The following IL31RA variants were observed in gnomAD, a reference collection of about 807,000 sequenced individuals.
IL31RA encodes the protein interleukin 31 receptor A, also known as interleukin-31 receptor subunit alpha.
IL31RA carries 66 observed loss-of-function variants against 83.7 expected under a neutral mutation model. That is an observed-to-expected ratio of 0.79 (90% CI 0.65 to 0.97). IL31RA has a LOEUF of 0.97. IL31RA is among the 50% of genes least tolerant of loss of function. IL31RA has a pLI of 0.00. For missense variants in IL31RA, 798 were observed against 919.4 expected, an observed-to-expected ratio of 0.87 and a Z score of 1.71; for synonymous variants, 325 against 329.0, an observed-to-expected ratio of 0.99 and a Z score of 0.13.
chr5:55,885,863 C>T (rs938602155), intron 5 of IL31RA, among the ~76,000 whole-genome samples: 2 of 152,160 alleles, frequency 1.3e-5, no homozygotes, highest in Non-Finnish European at 2.9e-5. Flanking sequence ...AGCACAAGCT[C>T]CTCTTCATAC....
Position 55,910,646 on chromosome 5 carries a change from G to A in IL31RA, c.1616G>A (p.Ser539Asn), listed in dbSNP as rs1749447197. The A allele has an allele frequency of 1.9e-6, 3 of 1,614,080 alleles. No homozygotes were observed. Among genetic ancestry groups the A allele is most frequent in the Non-Finnish European group, 2.5e-6 (3 of 1,180,026 alleles). Reference sequence around the variant, plus strand: ...AGTGCTGGGGGAACCAACGGGACCAGCATAAATTTCAAGACATTGTCATTC... The same window carrying A: ...AGTGCTGGGGGAACCAACGGGACCAACATAAATTTCAAGACATTGTCATTC... ...STSAGGTNGT[S>N]INFKTLSFSV... The change falls in exon 12 of 15, where the codon AGC (serine) becomes AAC (asparagine). Residue 539 changes from serine (S) to asparagine (N), a missense_variant. Ser to Asn is a conservative substitution (Grantham distance 46). Coordinates refer to ENST00000652347, the MANE Select transcript of IL31RA (RefSeq NM_139017.7).
chr5:55,887,833 C>T (rs1194684467), intron 5 of IL31RA, among the ~76,000 whole-genome samples: 2 of 151,648 alleles, frequency 1.3e-5, no homozygotes, highest in Non-Finnish European at 2.9e-5. Context: ...TGCAGTGAGC[C>T]GAGATCGCCA....
chr5:55,862,088 G>A (rs1379770781), intron 2 of IL31RA, among the ~76,000 whole-genome samples: 1 of 152,140 alleles, frequency 6.6e-6, no homozygotes, highest in Non-Finnish European at 1.5e-5. Context: ...CTAGAAATAG[G>A]GGAATATTGC....
intron 8 of IL31RA, chr5:55,902,439 A>G (rs1049653503): frequency 4.7e-5 from 7 of 148,604 alleles, no homozygotes; most frequent in East Asian, 3.9e-4. Context: ...TCCAGGCAAC[A>G]TAGTGAAACC....
the IL31RA span, among the ~76,000 whole-genome samples, chr5:55,845,575 A>G: frequency 1.3e-5 from 2 of 152,146 alleles, no homozygotes; most frequent in African/African-American, 2.4e-5. Flanking sequence ...TGTTCTCATG[A>G]TAATGAGTGA....
intron 14 of IL31RA, among the ~76,000 whole-genome samples, chr5:55,915,845 C>T (rs981016650): frequency 2.6e-5 from 4 of 152,150 alleles, no homozygotes; most frequent in African/African-American, 9.7e-5. Flanking sequence ...CCTCTAGAGC[C>T]GGCACTTATT....
At chr5:55,868,964 T>C in intron 3 of IL31RA, 56 bp downstream of exon 3, 4 of 958,090 alleles carry the variant, frequency 4.2e-6, no homozygotes, top group East Asian at 2.4e-5. Context: ...CAGAGGCTTC[T>C]GATTCATTCA....
In IL31RA at chr5:55,911,340, A is replaced by G. The variant is rs1013169477; in HGVS notation, c.1642+668A>G. On this transcript the variant is annotated intron_variant, in intron 12 of 14. Transcript: ENST00000652347. The stretch of plus-strand genomic sequence containing the variant: ...TCTCCCCCTGGGTCCCTCCCACAAC[A>G]TGTAGGAATTATGGGAGCTACAATT... Among the ~76,000 whole-genome samples, 3 of 152,100 alleles carry G rather than the reference A, an allele frequency of 2.0e-5. No individual in the cohort carries two copies. The East Asian group carries it at 5.8e-4, about 29-fold the overall frequency.
rs925257222 is a variant in IL31RA, at chr5:55,917,706, T to G, written c.*586T>G. On this transcript the variant is annotated 3_prime_UTR_variant, in exon 15 of 15. Transcript: ENST00000652347. The stretch of plus-strand genomic sequence containing the variant: ...TCCTCACATCCTCTTAGATCTCAAG[T>G]GCCTGTAGCAACACCGCACCTGAGA... 6.6e-6 allele frequency among the ~76,000 whole-genome samples: 1 copy of G among 152,138 alleles called. No homozygotes were observed. The highest frequency in any genetic ancestry group is 1.5e-5 in the Non-Finnish European group (1 of 68,018).
intron 2 of IL31RA, among the ~76,000 whole-genome samples, chr5:55,866,982 TATG>T (rs34269185): frequency 0.59 from 89,276 of 151,512 alleles, 27,551 homozygotes; most frequent in Non-Finnish European, 0.69. Context: ...TTCTTAAGAC[TATG>T]ATCTTTCCAG....
Position 55,917,384 on chromosome 5 carries a change from C to A in IL31RA, c.*264C>A. On this transcript the variant is annotated 3_prime_UTR_variant, in exon 15 of 15. Transcript: ENST00000652347. ...TCAGATACCAAGCTCTCACCGAGGCCTCCTGACAGATTGACTTTGAAGGAA... is the reference window on the plus strand; with the variant it reads ...TCAGATACCAAGCTCTCACCGAGGCATCCTGACAGATTGACTTTGAAGGAA... 4 of 1,260,396 alleles carry A rather than the reference C, an allele frequency of 3.2e-6. No individual in the cohort carries two copies. The highest frequency in any genetic ancestry group is 3.1e-4 in the Middle Eastern group (1 of 3,212). 78.1% of individuals were successfully genotyped at this position (1,260,396 alleles called of 1,614,324 possible).
chr5:55,861,187 A>G (rs1235567429), intron 2 of IL31RA, among the ~76,000 whole-genome samples: 2 of 152,228 alleles, frequency 1.3e-5, no homozygotes, highest in Non-Finnish European at 1.5e-5. Flanking sequence ...GAGGGCAGTC[A>G]TGACCCAGAG....
the IL31RA span, among the ~76,000 whole-genome samples, chr5:55,846,006 G>T: frequency 3.3e-5 from 5 of 152,142 alleles, no homozygotes; most frequent in African/African-American, 1.2e-4. Flanking sequence ...TGGAGTTTTT[G>T]ACTCTTATAC....
At chr5:55,871,442 A>G (rs554076656) in intron 3 of IL31RA, among the ~76,000 whole-genome samples, 1 of 152,320 alleles carries the variant, frequency 6.6e-6, no homozygotes, top group Non-Finnish European at 1.5e-5. Context: ...CACAACCCCC[A>G]GAACCATGTG....
intron 4 of IL31RA, among the ~76,000 whole-genome samples, chr5:55,882,686 T>C (rs1747316067): frequency 6.6e-6 from 1 of 152,188 alleles, no homozygotes; most frequent in Admixed American, 6.5e-5. Context: ...TCCATCATCC[T>C]AGGGGTCAAG....
chr5:55,870,108 C>T (rs1014631628), intron 3 of IL31RA, among the ~76,000 whole-genome samples: 23 of 152,130 alleles, frequency 1.5e-4, no homozygotes, highest in Non-Finnish European at 2.5e-4. Context: ...AGAAGGAGAT[C>T]GGTCTCTGTC....
the IL31RA span, among the ~76,000 whole-genome samples, chr5:55,840,629 A>G: frequency 6.6e-6 from 1 of 152,206 alleles, no homozygotes; most frequent in Non-Finnish European, 1.5e-5. Flanking sequence ...TTCTTGGAAT[A>G]GTAAATTTCA....
chr5:55,888,548 T>C (rs1246675937), intron 5 of IL31RA, among the ~76,000 whole-genome samples: 1 of 152,252 alleles, frequency 6.6e-6, no homozygotes, highest in Non-Finnish European at 1.5e-5. Flanking sequence ...TTTTAAAGCA[T>C]GACAAGTAAA....
At chr5:55,872,749 AG>A (rs1384209452) in intron 4 of IL31RA, among the ~76,000 whole-genome samples, 1 of 152,128 alleles carries the variant, frequency 6.6e-6, no homozygotes, top group Non-Finnish European at 1.5e-5. Context: ...AGAAACAAAA[AG>A]GTCTCTCCCC....
Sources: allele counts gnomAD v4.1 joint callset (sites outside exome capture counted in the v4.1 genomes callset), GRCh38; gene constraint gnomAD v4.1.1; transcripts MANE v1.5; gene names NCBI Gene and HGNC (gene_info 2026-07-23, HGNC 2026-07-21).